Variants in FNIP1 observed in about 807,000 individuals in gnomAD.
FNIP1 encodes folliculin interacting protein 1.
In FNIP1, 40 loss-of-function variants were observed where a neutral mutation model predicts 124.5. That is an observed-to-expected ratio of 0.32 (90% CI 0.25 to 0.42). The LOEUF (loss-of-function observed/expected upper bound fraction) is 0.42. Ranked by LOEUF, FNIP1 falls within the 10% of genes least tolerant of loss-of-function variation. FNIP1 has a pLI of 1.00. For missense variants in FNIP1, 1,176 were observed against 1,403.7 expected, an observed-to-expected ratio of 0.84 and a Z score of 2.59; for synonymous variants, 472 against 470.6, an observed-to-expected ratio of 1.00 and a Z score of -0.04.
At chr5:131,667,718 A>T (rs556637253) in intron 15 of FNIP1, among the ~76,000 whole-genome samples, 83 of 152,304 alleles carry the variant, frequency 5.4e-4, no homozygotes, top group Middle Eastern at 3.4e-3. Context: ...CCTCCCAAGC[A>T]GCTGGGATTA....
intron 1 of FNIP1, among the ~76,000 whole-genome samples, chr5:131,751,198 C>T (rs1365964747): frequency 2.6e-5 from 4 of 152,114 alleles, no homozygotes; most frequent in East Asian, 1.9e-4. Context: ...TGCCTTTGTA[C>T]AAGCCATGTC....
intron 16 of FNIP1, among the ~76,000 whole-genome samples, chr5:131,650,031 T>G (rs1766998005): frequency 6.6e-6 from 1 of 152,222 alleles, no homozygotes; most frequent in Admixed American, 6.5e-5. Flanking sequence ...AGCTTTGTAA[T>G]AAGTTTTGAA....
intron 10 of FNIP1, among the ~76,000 whole-genome samples, chr5:131,701,067 C>T (rs745318142): frequency 6.6e-6 from 1 of 152,164 alleles, no homozygotes; most frequent in Non-Finnish European, 1.5e-5. Context: ...AGCAAGTGAG[C>T]GAGCATTACT....
intron 17 of FNIP1, 99 bp from the exon 18 acceptor site, chr5:131,644,862 A>C (rs767018406): frequency 8.5e-7 from 1 of 1,176,090 alleles, no homozygotes; most frequent in Non-Finnish European, 1.2e-6. Flanking sequence ...CTATACCTCA[A>C]CGGTTAAGGA....
At chr5:131,760,442 A>T (rs1771189278) in intron 1 of FNIP1, among the ~76,000 whole-genome samples, 1 of 152,170 alleles carries the variant, frequency 6.6e-6, no homozygotes, top group Admixed American at 6.5e-5. Context: ...CAATCATTTT[A>T]AAATTGAATT....
At chr5:131,695,854 A>C (rs977962846) in intron 11 of FNIP1, among the ~76,000 whole-genome samples, 17 of 152,334 alleles carry the variant, frequency 1.1e-4, no homozygotes, top group African/African-American at 4.1e-4. Context: ...AACTGTGTTC[A>C]ACATTGAGAA....
chr5:131,777,610 C>T (rs564841935), intron 1 of FNIP1, among the ~76,000 whole-genome samples: 6 of 152,278 alleles, frequency 3.9e-5, no homozygotes, highest in Admixed American at 6.5e-5. Flanking sequence ...AAAAAGTTCA[C>T]TGGTCACCTT....
chr5:131,760,097 G>A (rs1771175759), intron 1 of FNIP1, among the ~76,000 whole-genome samples: 1 of 152,078 alleles, frequency 6.6e-6, no homozygotes, highest in Non-Finnish European at 1.5e-5. Context: ...GAGGGAAGAG[G>A]GAAAAAGCAT....
chr5:131,747,890 C>A (rs987459077), intron 1 of FNIP1, among the ~76,000 whole-genome samples: 3 of 151,884 alleles, frequency 2.0e-5, no homozygotes, highest in Non-Finnish European at 2.9e-5. Flanking sequence ...AAATACAAGG[C>A]CTCTGAGGAA....
At chr5:131,693,164 A>T (rs961709377) in intron 11 of FNIP1, among the ~76,000 whole-genome samples, 9 of 149,878 alleles carry the variant, frequency 6.0e-5, no homozygotes, top group African/African-American at 2.2e-4. Flanking sequence ...GAGGTAATAG[A>T]TATGTTAAAT....
chr5:131,732,808 G>A (rs1183304738), intron 2 of FNIP1, among the ~76,000 whole-genome samples: 1 of 152,182 alleles, frequency 6.6e-6, no homozygotes, highest in Non-Finnish European at 1.5e-5. Context: ...ACTTGGCAAT[G>A]TGGGCTCTTT....
At chr5:131,713,611 T>C (rs1180449890) in intron 6 of FNIP1, among the ~76,000 whole-genome samples, 1 of 152,240 alleles carries the variant, frequency 6.6e-6, no homozygotes, top group East Asian at 1.9e-4. Context: ...ATTTCTTCAC[T>C]TGGATATTCC....
chr5:131,734,422 A>G (rs1024478890), intron 2 of FNIP1, among the ~76,000 whole-genome samples: 1 of 152,022 alleles, frequency 6.6e-6, no homozygotes, highest in Non-Finnish European at 1.5e-5. Flanking sequence ...TGTCTACATC[A>G]CCAAAAGCAA....
intron 15 of FNIP1, among the ~76,000 whole-genome samples, chr5:131,656,491 A>G (rs778835326): frequency 3.9e-4 from 60 of 152,350 alleles, no homozygotes; most frequent in Middle Eastern, 3.4e-3. Context: ...AGCTCTAACT[A>G]AAGACTCTAA....
chr5:131,672,517 T>C lies in FNIP1; in HGVS notation c.1927A>G (p.Ile643Val). 1 of 1,613,794 alleles carries C rather than the reference T, an allele frequency of 6.2e-7. No homozygotes were observed. Among genetic ancestry groups the C allele is most frequent in the South Asian group, 1.1e-5 (1 of 91,088 alleles). Residue 643 changes from isoleucine (I) to valine (V), a missense_variant, in exon 14 of 18, where the codon ATT (isoleucine) becomes GTT (valine). Ile to Val is a conservative substitution (Grantham distance 29). Transcript: ENST00000510461. ...GAAATCATCTGGCACTCATCTGAAA[T>C]TCCTAGCAGCTCCTTAGAGCTGTTT... Reference protein sequence around the residue: ...IQNSSKELLGISDECQMISPS... With the variant: ...IQNSSKELLGVSDECQMISPS...
At chr5:131,732,356 G>A (rs759112839) in intron 2 of FNIP1, among the ~76,000 whole-genome samples, 85 of 152,278 alleles carry the variant, frequency 5.6e-4, no homozygotes, top group Admixed American at 2.5e-3. Context: ...AAAGTAAAAA[G>A]AATAAAAGCT....
At position 131,672,848 on chromosome 5, in the gene FNIP1, G is replaced by C; in HGVS notation, c.1596C>G (p.Val532=). Residue 532 remains valine (V), a synonymous_variant, in exon 14 of 18, where the codon GTC becomes GTG. Coordinates refer to ENST00000510461, the MANE Select transcript of FNIP1 (RefSeq NM_133372.3). ...AAGTAAGAAAATAAAGTAGCCTCTGGACCATGTCTTGTCGTTTGCCAACTA... is the reference window on the plus strand; with the variant it reads ...AAGTAAGAAAATAAAGTAGCCTCTGCACCATGTCTTGTCGTTTGCCAACTA... The part of the protein sequence containing the change: ...TVVVGKRQDM[V]QRLLYFLTYF... The C allele has an allele frequency of 1.2e-6, 2 of 1,609,780 alleles. No homozygotes were observed. Among genetic ancestry groups the C allele is most frequent in the East Asian group, 2.2e-5 (1 of 44,832 alleles).
chr5:131,790,660 C>G (rs2149590719), intron 1 of FNIP1, among the ~76,000 whole-genome samples: 1 of 152,228 alleles, frequency 6.6e-6, no homozygotes, highest in South Asian at 2.1e-4. Flanking sequence ...TGGACAATGA[C>G]AACTATGACA....
intron 15 of FNIP1, among the ~76,000 whole-genome samples, chr5:131,662,733 ATTTT>A (rs34051607): frequency 1.6e-4 from 12 of 76,972 alleles, no homozygotes; most frequent in African/African-American, 4.8e-4. Context: ...GATATTCTAG[ATTTT>A]TTTTTTTTTT....
Sources: allele counts gnomAD v4.1 joint callset (sites outside exome capture counted in the v4.1 genomes callset), GRCh38; gene constraint gnomAD v4.1.1; transcripts MANE v1.5; gene names NCBI Gene and HGNC (gene_info 2026-07-23, HGNC 2026-07-21).